The following LMO7 variants were observed in gnomAD, a reference collection of about 807,000 sequenced individuals.
LMO7 encodes the protein LIM domain only protein 7.
In LMO7, 120 loss-of-function variants were observed where a neutral mutation model predicts 206.5. The ratio of observed to expected loss-of-function variants is 0.58; its 90% CI spans 0.50 to 0.68. The LOEUF (loss-of-function observed/expected upper bound fraction) is 0.68, where lower values mean the gene tolerates loss of function less well. LMO7 is among the 30% of genes least tolerant of loss of function. The probability of loss-of-function intolerance (pLI) is 0.00; values close to 1 mark genes in which losing one functional copy is unlikely to be tolerated. For synonymous variants in LMO7, 706 were observed against 681.5 expected, an observed-to-expected ratio of 1.04 and a Z score of -0.56; for missense variants, 1,959 against 1,957.9, an observed-to-expected ratio of 1.00 and a Z score of -0.01.
chr13:75,807,475 A>G lies in LMO7; in HGVS notation c.1197-5A>G, dbSNP rs2055700151. 5 of 1,612,056 alleles carry G rather than the reference A, an allele frequency of 3.1e-6. No individual in the cohort carries two copies. Among genetic ancestry groups the G allele is most frequent in the African/African-American group, 2.7e-5 (2 of 74,908 alleles). On this transcript the variant is annotated splice_polypyrimidine_tract_variant and splice_region_variant and intron_variant, in intron 9 of 30. Coordinates refer to ENST00000377534, the MANE Select transcript of LMO7 (RefSeq NM_001306080.2). Reference sequence around the variant, plus strand: ...TCTCTTTCCTTTTTCCTCTCTGTGCATCAGTCAGTTTTTACTGCTTCAGGC... The same window carrying G: ...TCTCTTTCCTTTTTCCTCTCTGTGCGTCAGTCAGTTTTTACTGCTTCAGGC...
chr13:75,642,717 C>G (rs1272897585), intron 1 of LMO7, among the ~76,000 whole-genome samples: 1 of 152,176 alleles, frequency 6.6e-6, no homozygotes, highest in Non-Finnish European at 1.5e-5. Flanking sequence ...CCCTCTAAAA[C>G]CTTTGTGGCA....
At chr13:75,685,625 A>C (rs1311923421) in intron 1 of LMO7, among the ~76,000 whole-genome samples, 2 of 152,168 alleles carry the variant, frequency 1.3e-5, no homozygotes, top group African/African-American at 4.8e-5. Flanking sequence ...TGGCTGCCAA[A>C]GAACGTGTTG....
intron 1 of LMO7, among the ~76,000 whole-genome samples, chr13:75,648,380 C>T (rs1310290926): frequency 1.3e-5 from 2 of 151,932 alleles, no homozygotes; most frequent in African/African-American, 4.8e-5. Flanking sequence ...AAGTTTCTTC[C>T]CAACACCATG....
At chr13:75,831,666 A>G (rs534862675) in intron 15 of LMO7, among the ~76,000 whole-genome samples, 13 of 152,286 alleles carry the variant, frequency 8.5e-5, no homozygotes, top group African/African-American at 3.1e-4. Flanking sequence ...GCAGAGACCC[A>G]AAACAAGGCA....
chr13:75,699,878 C>T (rs1042224659), intron 1 of LMO7, among the ~76,000 whole-genome samples: 3 of 152,320 alleles, frequency 2.0e-5, no homozygotes, highest in Middle Eastern at 3.4e-3. Flanking sequence ...GGGGGCGCTG[C>T]AGGAGACCAG....
intron 29 of LMO7, 67 bp from the exon 30 acceptor site, chr13:75,856,439 C>T (rs1333042261): frequency 2.2e-6 from 2 of 912,874 alleles, no homozygotes; most frequent in African/African-American, 3.3e-5. Context: ...TCCCCCCCAC[C>T]CCCAGGAGTG....
intron 4 of LMO7, among the ~76,000 whole-genome samples, chr13:75,765,907 G>A (rs983962354): frequency 5.3e-5 from 8 of 152,222 alleles, no homozygotes; most frequent in Middle Eastern, 3.4e-3. Flanking sequence ...GTCTTGGCCT[G>A]CTGGATAAGC....
At chr13:75,757,763 A>ATTAGATACATTTAGGGC (rs2047789766) in intron 3 of LMO7, among the ~76,000 whole-genome samples, 2 of 151,750 alleles carry the variant, frequency 1.3e-5, no homozygotes, top group African/African-American at 2.4e-5. Context: ...TAAAGGAGCT[A>ATTAGATACATTTAGGGC]TTAGATACAT....
At chr13:75,783,160 A>G (rs1594955114) in intron 4 of LMO7, among the ~76,000 whole-genome samples, 2 of 152,370 alleles carry the variant, frequency 1.3e-5, no homozygotes, top group South Asian at 2.1e-4. Flanking sequence ...ATTTTACAGC[A>G]TATACATAAC....
At chr13:75,713,294 A>C (rs753734579) in intron 2 of LMO7, 42 bp downstream of exon 2, 1 of 1,436,536 alleles carries the variant, frequency 7.0e-7, no homozygotes, top group East Asian at 2.4e-5. Flanking sequence ...AAAAGCAAAG[A>C]TATGTGTGTG....
intron 24 of LMO7, 79 bp downstream of exon 24, chr13:75,842,062 G>T: frequency 9.6e-7 from 1 of 1,040,758 alleles, no homozygotes; most frequent in Non-Finnish European, 1.4e-6. Flanking sequence ...TGCTCTTCCT[G>T]TTTCCTACCA....
chr13:75,850,401 TG>T (rs2060397466), intron 27 of LMO7, among the ~76,000 whole-genome samples: 3 of 152,206 alleles, frequency 2.0e-5, no homozygotes. Context: ...CTCTATCTTC[TG>T]GATATATTTG....
intron 13 of LMO7, among the ~76,000 whole-genome samples, chr13:75,820,953 G>A (rs914842795): frequency 7.9e-5 from 12 of 151,296 alleles, no homozygotes; most frequent in South Asian, 2.1e-4. Context: ...AGCTGAGATC[G>A]TGCCACTGCA....
chr13:75,688,583 A>G (rs1053413852), intron 1 of LMO7: 1 of 152,358 alleles, frequency 6.6e-6, no homozygotes, highest in Non-Finnish European at 1.5e-5. Flanking sequence ...TTGGTTTCCC[A>G]TCTATTCTTT....
chr13:75,688,942 G>T (rs190159134), intron 1 of LMO7: 1 of 151,730 alleles, frequency 6.6e-6, no homozygotes, highest in Non-Finnish European at 1.5e-5. Context: ...TCTTCTCCCC[G>T]CTCAGTCTTG....
intron 2 of LMO7, among the ~76,000 whole-genome samples, chr13:75,716,903 T>C (rs1434485396): frequency 6.6e-6 from 1 of 151,616 alleles, no homozygotes; most frequent in Non-Finnish European, 1.5e-5. Flanking sequence ...TCTTTTTTTT[T>C]TTTTTTTCTC....
At chr13:75,855,405 C>T in intron 29 of LMO7, 37 bp downstream of exon 29, 1 of 1,420,696 alleles carries the variant, frequency 7.0e-7, no homozygotes, top group South Asian at 1.2e-5. Context: ...GCCTGCAAAG[C>T]TTTGCTTGGA....
At chr13:75,745,540 G>C (rs1025861706) in intron 3 of LMO7, among the ~76,000 whole-genome samples, 1 of 152,144 alleles carries the variant, frequency 6.6e-6, no homozygotes, top group African/African-American at 2.4e-5. Flanking sequence ...ATGGTTAATC[G>C]TATGTGTCAA....
rs1311699658 is a variant in LMO7 at position 75,727,026 on chromosome 13, C to T, written c.141-3C>T. On this transcript the variant is annotated splice_polypyrimidine_tract_variant and splice_region_variant and intron_variant, in intron 2 of 30. Transcript: ENST00000377534. ...ATTGCATCTGTTATTTATTTACTTT[C>T]AGTTTGATTAATAAGCTTAAACCTG... 13 of 1,529,102 alleles carry T rather than the reference C, an allele frequency of 8.5e-6. No individual in the cohort carries two copies. The highest frequency in any genetic ancestry group is 1.1e-5 in the Non-Finnish European group (12 of 1,104,266). 94.7% of individuals were successfully genotyped at this position (1,529,102 alleles called of 1,614,324 possible).
Sources: gnomAD v4.1 joint callset for allele counts (sites outside exome capture counted in the v4.1 genomes callset) on GRCh38, gnomAD v4.1.1 for gene constraint, MANE v1.5 for transcripts, NCBI Gene and HGNC (gene_info 2026-07-23, HGNC 2026-07-21) for gene names.